The following SYNJ2 variants were observed in gnomAD, a reference collection of about 807,000 sequenced individuals.
SYNJ2 encodes the protein polyphosphatidylinositol phosphatase SYNJ2.
SYNJ2 carries 116 observed loss-of-function variants against 141.3 expected under a neutral mutation model. The observed-to-expected ratio is 0.82, with a 90% CI of 0.71 to 0.96. SYNJ2 has a LOEUF of 0.96. Among genes scored for constraint, SYNJ2 ranks in the 40% least tolerant of loss-of-function variants. The pLI, the probability that SYNJ2 is intolerant of heterozygous loss-of-function variation, is 0.00. For synonymous variants in SYNJ2, 745 were observed against 777.7 expected, an observed-to-expected ratio of 0.96 and a Z score of 0.70; for missense variants, 1,873 against 1,934.8, an observed-to-expected ratio of 0.97 and a Z score of 0.60.
In SYNJ2 at chr6:157,985,757, G is replaced by A. The variant is rs531269590; in HGVS notation, c.127+3669G>A. On this transcript the variant is annotated intron_variant, in intron 1 of 26. Coordinates refer to ENST00000355585, the MANE Select transcript of SYNJ2 (RefSeq NM_003898.4). ...TGTCCCTGTGTTTACAGTGCGGGCT[G>A]TGTGTGAGTGAAGTCGTGCCTCCTG... 3.2e-4 allele frequency among the ~76,000 whole-genome samples: 48 copies of A among 152,338 alleles called. 1 individual carries two copies. In the South Asian group the frequency reaches 9.7e-3, roughly 31 times the overall value.
Position 158,064,835 on chromosome 6 carries a change from C to T in SYNJ2, c.1369C>T (p.Leu457=), listed in dbSNP as rs765297573. ...ALEGKAKVGK[L]KDGARSMSRT... ...TCTGGGCTCTCGGCAGGTGGGGAAG[C>T]TGAAGGATGGAGCCCGGTCCATGTC... Residue 457 remains leucine (L), a synonymous_variant, in exon 11 of 27, where the codon CTG becomes TTG. Coordinates refer to ENST00000355585, the MANE Select transcript of SYNJ2 (RefSeq NM_003898.4). 13 of 1,608,440 alleles carry T rather than the reference C, an allele frequency of 8.1e-6. No individual in the cohort carries two copies. In the Admixed American group the frequency reaches 1.5e-4, roughly 19 times the overall value.
chr6:158,084,572 A>G lies in SYNJ2; in HGVS notation c.3208+398A>G, dbSNP rs1225094207. 6.6e-6 allele frequency among the ~76,000 whole-genome samples: 1 copy of G among 152,128 alleles called. No homozygotes were observed. The highest frequency in any genetic ancestry group is 1.9e-4 in the East Asian group (1 of 5,190). On this transcript the variant is annotated intron_variant, in intron 22 of 26. Coordinates refer to ENST00000355585, the MANE Select transcript of SYNJ2 (RefSeq NM_003898.4). This position sits in a 1 kb window ranked among gnomAD's most constrained non-coding sequence, Gnocchi z 5.0. ...GTAATCCCAGCACTTTGGGAGGCCGAGACAGGTGGATCGCTTGAGGTCAGG... is the reference window on the plus strand; with the variant it reads ...GTAATCCCAGCACTTTGGGAGGCCGGGACAGGTGGATCGCTTGAGGTCAGG...
At chr6:158,037,521 C>A (rs1779704827) in intron 4 of SYNJ2, among the ~76,000 whole-genome samples, 1 of 151,720 alleles carries the variant, frequency 6.6e-6, no homozygotes, top group African/African-American at 2.4e-5. Flanking sequence ...CCTGCCTCAG[C>A]CTCCTGAGTA....
At chr6:158,036,469 C>A (rs997635219) in intron 4 of SYNJ2, among the ~76,000 whole-genome samples, 9 of 152,196 alleles carry the variant, frequency 5.9e-5, no homozygotes, top group Admixed American at 2.0e-4. Context: ...TTTCCAGCAA[C>A]ACGGATGCAG....
In SYNJ2 at chr6:157,982,030, G is replaced by A. The variant is rs1209250658; in HGVS notation, c.69G>A (p.Leu23=). The change falls in exon 1 of 27, where the codon CTG becomes CTA. Residue 23 remains leucine, a synonymous_variant. Coordinates refer to ENST00000355585, the MANE Select transcript of SYNJ2 (RefSeq NM_003898.4). The surrounding 1 kb of genome is among the most constrained non-coding windows in gnomAD (Gnocchi z 4.0). ...LGAEGDCSVL[L]EARGRDDCLL... is the part of the protein sequence containing the mutation. Reference sequence around the variant, plus strand: ...CCGAGGGGGACTGTAGCGTGCTGCTGGAGGCGCGCGGCCGCGACGACTGCC... The same window carrying A: ...CCGAGGGGGACTGTAGCGTGCTGCTAGAGGCGCGCGGCCGCGACGACTGCC... 2.2e-6 allele frequency: 3 copies of A among 1,336,024 alleles called. No homozygotes were observed. The highest frequency in any genetic ancestry group is 2.9e-6 in the Non-Finnish European group (3 of 1,046,676). 82.8% of individuals were successfully genotyped at this position (1,336,024 alleles called of 1,614,324 possible).
At chr6:158,031,514 GGTGT>G (rs1190426941) in intron 3 of SYNJ2, among the ~76,000 whole-genome samples, 1 of 152,230 alleles carries the variant, frequency 6.6e-6, no homozygotes. Flanking sequence ...GCCAGGGCGT[GGTGT>G]TTAGGCTCAG....
chr6:158,041,794 A>G (rs1779961237), intron 4 of SYNJ2, among the ~76,000 whole-genome samples: 1 of 152,208 alleles, frequency 6.6e-6, no homozygotes, highest in African/African-American at 2.4e-5. Context: ...CTGCAGCCTC[A>G]TCCTCCTGGG....
At chr6:157,995,344 G>C (rs1228788591) in intron 1 of SYNJ2, among the ~76,000 whole-genome samples, 2 of 152,116 alleles carry the variant, frequency 1.3e-5, no homozygotes, top group African/African-American at 4.8e-5. Context: ...ACAAAGACTT[G>C]AGGGGTGCTC....
intron 26 of SYNJ2, chr6:158,094,164 C>T: frequency 1.7e-6 from 1 of 604,212 alleles, no homozygotes; most frequent in Non-Finnish European, 3.0e-6. Context: ...CCCACATTGG[C>T]TCATTGCCAT....
At chr6:158,058,263 C>T (rs2502603) in intron 6 of SYNJ2, among the ~76,000 whole-genome samples, 73,576 of 151,958 alleles carry the variant, frequency 0.48, 18,091 homozygotes, top group South Asian at 0.6. Context: ...CACCATTAAA[C>T]GATAATTTGA....
At chr6:158,000,218 T>C (rs1777791773) in intron 1 of SYNJ2, among the ~76,000 whole-genome samples, 2 of 152,026 alleles carry the variant, frequency 1.3e-5, no homozygotes, top group African/African-American at 4.8e-5. Context: ...TCTGCCCTTT[T>C]GTAAAAAATA....
At chr6:158,062,322 C>G (rs1781275705) in intron 8 of SYNJ2, 158 bp downstream of exon 8, 1 of 827,074 alleles carries the variant, frequency 1.2e-6, no homozygotes, top group African/African-American at 1.8e-5. Context: ...CTTCCCTCCC[C>G]ACTCAGTTAC....
At chr6:157,985,752 G>A (rs1274964094) in intron 1 of SYNJ2, among the ~76,000 whole-genome samples, 7 of 152,320 alleles carry the variant, frequency 4.6e-5, no homozygotes, top group East Asian at 3.9e-4. Flanking sequence ...TTTACAGTGC[G>A]GGCTGTGTGT....
In SYNJ2 at chr6:158,096,314, C is replaced by A. The variant is rs1447342938; in HGVS notation, c.4441C>A (p.Gln1481Lys). 1.9e-6 allele frequency: 3 copies of A among 1,613,306 alleles called. No individual in the cohort carries two copies. In the African/African-American group the frequency reaches 4.0e-5, roughly 22 times the overall value. ...TLGHWVTISDQEKRTALQVFD... is the reference protein window; with the variant it reads ...TLGHWVTISDKEKRTALQVFD... ...AGGTCACTGGGTGACAATCAGTGAC[C>A]AAGAAAAGAGGACAGCACTGCAGGT... Residue 1481 changes from glutamine to lysine, a missense_variant, in exon 27 of 27, where the codon CAA (glutamine) becomes AAA (lysine). Gln to Lys is a moderately conservative substitution (Grantham distance 53, BLOSUM62 1). Transcript: ENST00000355585.
At chr6:158,039,871 C>T (rs1439770177) in intron 4 of SYNJ2, among the ~76,000 whole-genome samples, 1 of 152,168 alleles carries the variant, frequency 6.6e-6, no homozygotes, top group African/African-American at 2.4e-5. Flanking sequence ...GTCACACTGG[C>T]CTGGGGCCCC....
rs759671170 is a variant in SYNJ2 at position 158,064,834 on chromosome 6, G to T, written c.1368G>T (p.Lys456Asn). 3.7e-6 allele frequency: 6 copies of T among 1,608,452 alleles called. No homozygotes were observed. The Admixed American group carries it at 8.4e-5, about 22-fold the overall frequency. ...GTCTGGGCTCTCGGCAGGTGGGGAA[G>T]CTGAAGGATGGAGCCCGGTCCATGT... ...RALEGKAKVG[K>N]LKDGARSMSR... Residue 456 changes from lysine (K) to asparagine (N), a missense_variant, in exon 11 of 27, where the codon AAG becomes AAT. Coordinates refer to ENST00000355585, the MANE Select transcript of SYNJ2 (RefSeq NM_003898.4).
At chr6:157,997,100 C>A (rs578166486) in intron 1 of SYNJ2, among the ~76,000 whole-genome samples, 11 of 151,374 alleles carry the variant, frequency 7.3e-5, no homozygotes, top group African/African-American at 2.7e-4. Flanking sequence ...CTGCAGCCCC[C>A]ACACACCAAC....
Position 158,027,102 on chromosome 6 carries a change from C to T in SYNJ2, c.215-1654C>T, listed in dbSNP as rs899994924. 8 of 985,260 alleles carry T rather than the reference C, an allele frequency of 8.1e-6. No homozygotes were observed. Among genetic ancestry groups the T allele is most frequent in the East Asian group, 1.1e-4 (1 of 8,824 alleles). 61.0% of individuals were successfully genotyped at this position (985,260 alleles called of 1,614,324 possible). On this transcript the variant is annotated intron_variant, in intron 2 of 26. Transcript: ENST00000355585. This position sits in a 1 kb window ranked among gnomAD's most constrained non-coding sequence, Gnocchi z 4.6. ...GAGCCCTGAGCGCTCATTAAAGGAA[C>T]GCACTTTAATGACAGCCACACGCCA...
At chr6:158,029,909 C>T (rs1779275143) in intron 3 of SYNJ2, among the ~76,000 whole-genome samples, 1 of 152,186 alleles carries the variant, frequency 6.6e-6, no homozygotes, top group Non-Finnish European at 1.5e-5. Flanking sequence ...ACTCCACACA[C>T]TTACTAAGTG....
Sources: gnomAD v4.1 joint callset for allele counts (sites outside exome capture counted in the v4.1 genomes callset) on GRCh38, gnomAD v4.1.1 for gene constraint, Gnocchi (gnomAD v3.1) non-coding constraint, MANE v1.5 for transcripts, NCBI Gene and HGNC (gene_info 2026-07-23, HGNC 2026-07-21) for gene names.